ACYP2: variants seen among roughly 807,000 people sequenced by gnomAD.
ACYP2 encodes the protein acylphosphatase-2.
ACYP2 carries 12 observed loss-of-function variants against 11.2 expected under a neutral mutation model. That is an observed-to-expected ratio of 1.08 (90% CI 0.69 to 1.74). The LOEUF (loss-of-function observed/expected upper bound fraction) is 1.74, where lower values mean the gene tolerates loss of function less well. ACYP2 is among the 40% of genes most tolerant of loss of function. The probability of loss-of-function intolerance (pLI) is 0.00; values close to 1 mark genes in which losing one functional copy is unlikely to be tolerated. For synonymous variants in ACYP2, 43 were observed against 32.2 expected (o/e 1.33, Z -1.13); for missense variants, 134 against 101.9 (o/e 1.31, Z -1.35).
In ACYP2 at chr2:54,138,628, T is replaced by A; in HGVS notation, c.295-11T>A. ...GCTGCACTTTATTCTTCTTGTTTTT[T>A]CCTGAAACAGTATACAGAAGATGAA... On this transcript the variant is annotated splice_polypyrimidine_tract_variant and intron_variant, in intron 5 of 6. Coordinates refer to ENST00000607452, the MANE Select transcript of ACYP2 (RefSeq NM_001320586.2). 6.2e-7 allele frequency: 1 copy of A among 1,603,522 alleles called. No individual in the cohort carries two copies. Among genetic ancestry groups the A allele is most frequent in the South Asian group, 1.1e-5 (1 of 89,716 alleles).
At chr2:54,248,695 C>T (rs1162133370) in intron 6 of ACYP2, among the ~76,000 whole-genome samples, 1 of 152,140 alleles carries the variant, frequency 6.6e-6, no homozygotes, top group South Asian at 2.1e-4. Flanking sequence ...CTATGTCTTA[C>T]TCATCACCGA....
At chr2:54,207,606 A>G (rs981707663) in intron 6 of ACYP2, among the ~76,000 whole-genome samples, 13 of 152,176 alleles carry the variant, frequency 8.5e-5, no homozygotes, top group Admixed American at 2.6e-4. Flanking sequence ...CCTCTTGCAT[A>G]TGTTATTGTC....
chr2:54,026,860 G>T (rs1403568843), intron 2 of ACYP2, among the ~76,000 whole-genome samples: 3 of 146,420 alleles, frequency 2.0e-5, no homozygotes, highest in South Asian at 2.4e-4. Flanking sequence ...AAGTTATAAG[G>T]ATGCAAAGGC....
intron 6 of ACYP2, among the ~76,000 whole-genome samples, chr2:54,252,912 A>T (rs1220828171): frequency 6.6e-6 from 1 of 152,124 alleles, no homozygotes; most frequent in Admixed American, 6.5e-5. Flanking sequence ...TCAAAAAAAA[A>T]AAAAATATGC....
At chr2:54,219,811 T>TA (rs1572952200) in intron 6 of ACYP2, among the ~76,000 whole-genome samples, 5 of 117,926 alleles carry the variant, frequency 4.2e-5, no homozygotes, top group African/African-American at 2.0e-4. Context: ...GTGTGTGTGT[T>TA]TGTGTATGTG....
intron 6 of ACYP2, among the ~76,000 whole-genome samples, chr2:54,139,293 AG>A (rs1681460647): frequency 1.3e-5 from 2 of 152,334 alleles, no homozygotes; most frequent in African/African-American, 4.8e-5. Context: ...CCAGGCAAAA[AG>A]ATTGCCATCT....
chr2:54,051,396 G>T (rs7576901), intron 3 of ACYP2: 209,878 of 740,910 alleles, frequency 0.28, 31,951 homozygotes, highest in South Asian at 0.44. Context: ...ACATGGCAAA[G>T]GTAGAGAAGG....
chr2:54,062,551 T>C (rs958530707), intron 4 of ACYP2, among the ~76,000 whole-genome samples: 1 of 152,258 alleles, frequency 6.6e-6, no homozygotes, highest in Non-Finnish European at 1.5e-5. Context: ...TCATGTACCA[T>C]ATGTTATTCA....
intron 6 of ACYP2, among the ~76,000 whole-genome samples, chr2:54,175,216 C>G (rs930225088): frequency 2.0e-5 from 3 of 152,074 alleles, no homozygotes; most frequent in Non-Finnish European, 2.9e-5. Context: ...GAGCCTGTTA[C>G]TGGTCTTTTC....
At chr2:54,198,078 G>A (rs1166259974) in intron 6 of ACYP2, among the ~76,000 whole-genome samples, 1 of 151,810 alleles carries the variant, frequency 6.6e-6, no homozygotes, top group Non-Finnish European at 1.5e-5. Flanking sequence ...GGAGTGCAGT[G>A]GCACGATCTT....
At chr2:54,101,105 G>C (rs961480213) in intron 4 of ACYP2, among the ~76,000 whole-genome samples, 3 of 152,226 alleles carry the variant, frequency 2.0e-5, no homozygotes, top group Middle Eastern at 3.4e-3. Context: ...ACCCCACGGA[G>C]CCTCAAAGAA....
chr2:54,000,642 C>A (rs905724096), intron 2 of ACYP2, among the ~76,000 whole-genome samples: 4 of 152,176 alleles, frequency 2.6e-5, no homozygotes, highest in Non-Finnish European at 5.9e-5. Flanking sequence ...ACACTACATT[C>A]ATTTAAGGAA....
chr2:54,290,251 C>A (rs1363178570), intron 6 of ACYP2, among the ~76,000 whole-genome samples: 2 of 152,062 alleles, frequency 1.3e-5, no homozygotes, highest in Non-Finnish European at 2.9e-5. Context: ...GTCCCGGAGT[C>A]CACGGCCACA....
At chr2:54,131,302 T>TA (rs1199752184) in intron 4 of ACYP2, among the ~76,000 whole-genome samples, 26 of 152,222 alleles carry the variant, frequency 1.7e-4, no homozygotes, top group Admixed American at 1.7e-3. Context: ...GATTCCACTT[T>TA]AAAAATTTTC....
chr2:54,203,324 A>T (rs957087491), intron 6 of ACYP2, among the ~76,000 whole-genome samples: 1 of 152,230 alleles, frequency 6.6e-6, no homozygotes, highest in African/African-American at 2.4e-5. Flanking sequence ...TGCACCCTGC[A>T]TACTTGTTGA....
chr2:54,013,370 G>C (rs561903264), intron 2 of ACYP2, among the ~76,000 whole-genome samples: 1 of 147,966 alleles, frequency 6.8e-6, no homozygotes, highest in African/African-American at 2.5e-5. Flanking sequence ...TCACAATCTC[G>C]GCTCACTGCA....
chr2:54,021,585 T>G (rs1300498341), intron 2 of ACYP2, among the ~76,000 whole-genome samples: 1 of 152,216 alleles, frequency 6.6e-6, no homozygotes, highest in East Asian at 1.9e-4. Flanking sequence ...AATTTTATTA[T>G]GAGGTTCTTA....
intron 6 of ACYP2, among the ~76,000 whole-genome samples, chr2:54,300,777 G>A (rs1689693959): frequency 6.6e-6 from 1 of 152,154 alleles, no homozygotes. Flanking sequence ...GTACCAAGTT[G>A]CCCTTTCAAA....
intron 6 of ACYP2, among the ~76,000 whole-genome samples, chr2:54,264,907 A>G (rs1020939494): frequency 1.3e-5 from 2 of 152,208 alleles, no homozygotes; most frequent in Non-Finnish European, 2.9e-5. Context: ...TATTCTCAGG[A>G]AAGGAATTTT....
Sources: gnomAD v4.1 joint callset for allele counts (sites outside exome capture counted in the v4.1 genomes callset) on GRCh38, gnomAD v4.1.1 for gene constraint, MANE v1.5 for transcripts, NCBI Gene and HGNC (gene_info 2026-07-23, HGNC 2026-07-21) for gene names.